The following RBFOX1 variants were observed in gnomAD, a reference collection of about 807,000 sequenced individuals.
RBFOX1 encodes the protein RNA binding protein fox-1 homolog 1.
RBFOX1 carries 8 observed loss-of-function variants against 57.7 expected under a neutral mutation model. The ratio of observed to expected loss-of-function variants is 0.14; its 90% CI spans 0.08 to 0.25. RBFOX1 has a LOEUF of 0.25. RBFOX1 is among the 10% of genes least tolerant of loss of function. The pLI is 1.00. For missense variants in RBFOX1, 611 were observed against 548.5 expected, an observed-to-expected ratio of 1.11 and a Z score of -1.14; for synonymous variants, 326 against 222.4, an observed-to-expected ratio of 1.47 and a Z score of -4.15.
At chr16:7,311,478 C>CTTTTTTTT (rs1190746565) in intron 4 of RBFOX1, among the ~76,000 whole-genome samples, 20 of 122,464 alleles carry the variant, frequency 1.6e-4, no homozygotes, top group East Asian at 4.9e-4. Flanking sequence ...TGAGCCTTTT[C>CTTTTTTTT]TTTTTTTTTT....
At chr16:7,243,899 A>G (rs1378249067) in intron 4 of RBFOX1, among the ~76,000 whole-genome samples, 1 of 152,116 alleles carries the variant, frequency 6.6e-6, no homozygotes, top group East Asian at 1.9e-4. Context: ...ATTTCACATA[A>G]TCAAAACTCT....
At chr16:5,923,804 G>A (rs1225108007) in intron 4 of RBFOX1, among the ~76,000 whole-genome samples, 3 of 152,032 alleles carry the variant, frequency 2.0e-5, no homozygotes, top group Non-Finnish European at 2.9e-5. Flanking sequence ...GCCTCCCAAA[G>A]TGCTGGGATT....
At chr16:6,905,013 T>C (rs545546464) in intron 3 of RBFOX1, among the ~76,000 whole-genome samples, 11 of 152,244 alleles carry the variant, frequency 7.2e-5, no homozygotes, top group South Asian at 2.1e-4. Context: ...GTTAGCATGG[T>C]AAAAGAGTTA....
Position 7,577,798 on chromosome 16 carries a change from C to G in RBFOX1, c.271-1979C>G, listed in dbSNP as rs111326760. Among the ~76,000 whole-genome samples, 1,513 of 152,296 alleles carry G rather than the reference C, an allele frequency of 9.9e-3. 31 individuals are homozygous for G. The highest frequency in any genetic ancestry group is 0.034 in the African/African-American group (1,424 of 41,564). ...CCTGTAATCCTAGCTACTTGGAAGG[C>G]TGATGTGGCAAGATTGAGCCCAGGA... On this transcript the variant is annotated intron_variant, in intron 5 of 15. Coordinates refer to ENST00000550418, the MANE Select transcript of RBFOX1 (RefSeq NM_018723.4).
intron 1 of RBFOX1, among the ~76,000 whole-genome samples, chr16:6,271,032 A>G (rs1364765812): frequency 2.0e-5 from 3 of 152,380 alleles, no homozygotes; most frequent in Non-Finnish European, 2.9e-5. Context: ...TGTGGGACAC[A>G]GCTAAAGTAA....
At chr16:7,623,786 T>C (rs1414289739) in intron 10 of RBFOX1, among the ~76,000 whole-genome samples, 1 of 152,194 alleles carries the variant, frequency 6.6e-6, no homozygotes, top group East Asian at 1.9e-4. Context: ...GAGGCCTCTC[T>C]CCTTGGCTTG....
At chr16:6,770,165 G>A (rs1053958273) in intron 3 of RBFOX1, among the ~76,000 whole-genome samples, 1 of 152,174 alleles carries the variant, frequency 6.6e-6, no homozygotes, top group Admixed American at 6.5e-5. Flanking sequence ...GTCTGTTATT[G>A]TAAATATTCT....
chr16:7,032,365 A>C lies in RBFOX1; in HGVS notation c.-15-19692A>C, dbSNP rs190322672. Among the ~76,000 whole-genome samples the C allele has an allele frequency of 3.6e-3, 545 of 152,204 alleles. 2 individuals are homozygous for C. The highest frequency in any genetic ancestry group is 0.014 in the Middle Eastern group (4 of 294). On this transcript the variant is annotated intron_variant, in intron 3 of 15. Transcript: ENST00000550418. The stretch of plus-strand genomic sequence containing the variant: ...GAGGCTGAGGCACAAGAATTGCTTG[A>C]ACCCAGGAGGTGGAGGTTGCAGTGA...
At chr16:6,987,781 C>G (rs896224189) in intron 3 of RBFOX1, among the ~76,000 whole-genome samples, 4 of 152,026 alleles carry the variant, frequency 2.6e-5, no homozygotes, top group East Asian at 1.9e-4. Flanking sequence ...AGAATAAGAA[C>G]GAACATTGTA....
At chr16:5,940,261 C>T (rs903967685) in intron 4 of RBFOX1, among the ~76,000 whole-genome samples, 17 of 152,156 alleles carry the variant, frequency 1.1e-4, no homozygotes, top group Admixed American at 5.9e-4. Context: ...ACTTCTGAGT[C>T]GCATCTTCCA....
intron 3 of RBFOX1, among the ~76,000 whole-genome samples, chr16:6,942,936 A>T (rs1375845073): frequency 6.6e-6 from 1 of 152,174 alleles, no homozygotes; most frequent in Non-Finnish European, 1.5e-5. Flanking sequence ...CGCATTGGAG[A>T]TTCGACATCA....
intron 4 of RBFOX1, among the ~76,000 whole-genome samples, chr16:7,059,286 C>T (rs374501452): frequency 8.5e-5 from 13 of 152,296 alleles, no homozygotes; most frequent in Middle Eastern, 3.4e-3. Context: ...AGCCCCCCTT[C>T]TCCCCACCCC....
chr16:7,128,398 G>C (rs923422922), intron 4 of RBFOX1, among the ~76,000 whole-genome samples: 14 of 152,198 alleles, frequency 9.2e-5, no homozygotes, highest in Non-Finnish European at 1.8e-4. Flanking sequence ...CTAGTGGCTT[G>C]AAAGAGTGAC....
intron 3 of RBFOX1, among the ~76,000 whole-genome samples, chr16:6,972,522 G>C (rs78535830): frequency 0.12 from 18,960 of 152,144 alleles, 1,270 homozygotes; most frequent in South Asian, 0.23. Context: ...ACTTGTTGGT[G>C]TCTGAATAGT....
At chr16:7,492,933 C>T (rs939413019) in intron 4 of RBFOX1, among the ~76,000 whole-genome samples, 13 of 152,118 alleles carry the variant, frequency 8.5e-5, no homozygotes, top group African/African-American at 3.1e-4. Context: ...GGCTGGAGTG[C>T]AGTGGTGCGA....
At chr16:6,939,923 C>T (rs1009298500) in intron 3 of RBFOX1, among the ~76,000 whole-genome samples, 16 of 152,260 alleles carry the variant, frequency 1.1e-4, no homozygotes, top group East Asian at 1.9e-4. Flanking sequence ...AATTTAATCA[C>T]AACTCTGGTT....
chr16:6,488,402 C>T (rs188589400), intron 2 of RBFOX1, among the ~76,000 whole-genome samples: 1 of 152,252 alleles, frequency 6.6e-6, no homozygotes, highest in East Asian at 1.9e-4. Flanking sequence ...ACAGCAGTAA[C>T]AATACAATGC....
chr16:6,360,685 A>G (rs1181200471), intron 2 of RBFOX1, among the ~76,000 whole-genome samples: 1 of 152,222 alleles, frequency 6.6e-6, no homozygotes, highest in Non-Finnish European at 1.5e-5. Context: ...TGAAATAATC[A>G]TCACAGAAAT....
intron 4 of RBFOX1, among the ~76,000 whole-genome samples, chr16:7,313,038 G>T (rs942368861): frequency 1.3e-5 from 2 of 151,992 alleles, no homozygotes; most frequent in Non-Finnish European, 2.9e-5. Context: ...GAGAGGCAGC[G>T]TGTTCCCCAC....
Sources: allele counts gnomAD v4.1 joint callset (sites outside exome capture counted in the v4.1 genomes callset), GRCh38; gene constraint gnomAD v4.1.1; transcripts MANE v1.5; gene names NCBI Gene and HGNC (gene_info 2026-07-23, HGNC 2026-07-21).